Variants in FRYL observed in about 807,000 individuals in gnomAD.
FRYL encodes protein furry homolog-like.
Under a neutral mutation model 351.2 loss-of-function variants are expected in FRYL, and 150 were observed. That is an observed-to-expected ratio of 0.43 (90% CI 0.37 to 0.49). The LOEUF is 0.49. Among genes scored for constraint, FRYL ranks in the 20% least tolerant of loss-of-function variants. The pLI is 0.00. For synonymous variants in FRYL, 1,153 were observed against 1,257.1 expected, an observed-to-expected ratio of 0.92 and a Z score of 1.75; for missense variants, 3,036 against 3,619.3, an observed-to-expected ratio of 0.84 and a Z score of 4.13.
At chr4:48,622,314 T>G (rs1026330777) in intron 5 of FRYL, among the ~76,000 whole-genome samples, 1 of 152,234 alleles carries the variant, frequency 6.6e-6, no homozygotes, top group African/African-American at 2.4e-5. Context: ...GATCTTATTA[T>G]AGTCTTATTG....
chr4:48,618,817 G>C (rs1158787908), intron 7 of FRYL: 1 of 152,920 alleles, frequency 6.5e-6, no homozygotes, highest in East Asian at 1.9e-4. Flanking sequence ...ATTATCTGAA[G>C]TATTCTCACT....
At chr4:48,766,123 T>C (rs181037242) in intron 1 of FRYL, among the ~76,000 whole-genome samples, 1 of 152,348 alleles carries the variant, frequency 6.6e-6, no homozygotes, top group East Asian at 1.9e-4. Context: ...GCAATTTCAC[T>C]ATTGGGTATA....
Position 48,564,012 on chromosome 4 carries a change from A to G in FRYL, c.3532T>C (p.Tyr1178His). Residue 1178 changes from tyrosine to histidine, a missense_variant, in exon 31 of 64, where the codon TAC becomes CAC. By Grantham distance (83) the Tyr-to-His change is moderately conservative (BLOSUM62 2). Transcript: ENST00000358350. ...NLMYWAVDRCYTGSGRVAAGC... is the reference protein window; with the variant it reads ...NLMYWAVDRCHTGSGRVAAGC... ...GCCGCCACCCTCCCGGAGCCCGTGT[A>G]GCAGCGGTCCACAGCCCAGTACATC... The G allele has an allele frequency of 6.2e-7, 1 of 1,614,232 alleles. No individual in the cohort carries two copies. The highest frequency in any genetic ancestry group is 1.1e-5 in the South Asian group (1 of 91,084).
intron 3 of FRYL, among the ~76,000 whole-genome samples, chr4:48,664,698 T>G (rs1761415645): frequency 6.6e-6 from 1 of 152,146 alleles, no homozygotes; most frequent in South Asian, 2.1e-4. Flanking sequence ...TCTTGTTTAT[T>G]TATGAAGGGG....
intron 1 of FRYL, among the ~76,000 whole-genome samples, chr4:48,710,921 G>T (rs1201726914): frequency 6.6e-6 from 1 of 152,088 alleles, no homozygotes; most frequent in African/African-American, 2.4e-5. Context: ...TATTTGTAAT[G>T]GTCAAAAGGC....
At chr4:48,652,662 A>G (rs1757957732) in intron 3 of FRYL, among the ~76,000 whole-genome samples, 1 of 152,340 alleles carries the variant, frequency 6.6e-6, no homozygotes, top group Admixed American at 6.5e-5. Context: ...ACCATATTCA[A>G]TAAGACTTTA....
intron 55 of FRYL, among the ~76,000 whole-genome samples, chr4:48,519,385 C>A (rs1724384615): frequency 1.3e-5 from 2 of 152,168 alleles, no homozygotes; most frequent in South Asian, 2.1e-4. Context: ...TACCATGAAA[C>A]CTGTCCTTTC....
chr4:48,556,169 A>G (rs1734084819), intron 35 of FRYL, among the ~76,000 whole-genome samples: 1 of 152,252 alleles, frequency 6.6e-6, no homozygotes, highest in South Asian at 2.1e-4. Flanking sequence ...TGCTGGAATT[A>G]TAGGCATGAG....
rs201757408 is a variant in FRYL, at chr4:48,551,605, G to A, written c.4436-27C>T. On this transcript the variant is annotated intron_variant, in intron 36 of 63. Transcript: ENST00000358350. ...TGTAATCAAAGACAAAGCAGTACTC[G>A]TGAATCTACAAACCTGGAATAACCC... 137 of 1,414,872 alleles carry A rather than the reference G, an allele frequency of 9.7e-5. No homozygotes were observed. The East Asian group carries it at 1.6e-3, about 17-fold the overall frequency. 87.6% of individuals were successfully genotyped at this position (1,414,872 alleles called of 1,614,324 possible). A position where few individuals can be genotyped will look rare whatever the true frequency, so the allele number is the denominator to read the frequency against.
At chr4:48,772,638 T>A (rs375804870) in intron 1 of FRYL, among the ~76,000 whole-genome samples, 1 of 127,894 alleles carries the variant, frequency 7.8e-6, no homozygotes, top group Non-Finnish European at 1.6e-5. Context: ...TGAACTAAAT[T>A]AAATCACATC....
chr4:48,712,825 G>C (rs1197360041), intron 1 of FRYL, among the ~76,000 whole-genome samples: 5 of 152,192 alleles, frequency 3.3e-5, no homozygotes, highest in Non-Finnish European at 7.3e-5. Flanking sequence ...AGGGCAGCCA[G>C]AGACAAAGGT....
At chr4:48,703,271 T>A (rs774070484) in intron 2 of FRYL, among the ~76,000 whole-genome samples, 1 of 152,072 alleles carries the variant, frequency 6.6e-6, no homozygotes, top group Non-Finnish European at 1.5e-5. Flanking sequence ...ATCCCAGTAG[T>A]CAAGAGAGGG....
At chr4:48,568,742 T>G (rs1171333729) in intron 27 of FRYL, among the ~76,000 whole-genome samples, 4 of 152,180 alleles carry the variant, frequency 2.6e-5, no homozygotes, top group Non-Finnish European at 4.4e-5. Context: ...ATAAGTGTTT[T>G]TCAAATTTTT....
At chr4:48,604,286 T>A (rs1449970882) in intron 11 of FRYL, among the ~76,000 whole-genome samples, 1 of 152,158 alleles carries the variant, frequency 6.6e-6, no homozygotes, top group Non-Finnish European at 1.5e-5. Flanking sequence ...TAGAGAGGCA[T>A]GAATGTTCCA....
At chr4:48,613,269 G>C (rs982785268) in intron 7 of FRYL, among the ~76,000 whole-genome samples, 5 of 152,132 alleles carry the variant, frequency 3.3e-5, no homozygotes, top group African/African-American at 1.2e-4. Flanking sequence ...TTTTCCACTT[G>C]TAGTGTCATG....
At chr4:48,728,453 G>A (rs1007260161) in intron 1 of FRYL, among the ~76,000 whole-genome samples, 11 of 151,698 alleles carry the variant, frequency 7.3e-5, no homozygotes, top group African/African-American at 2.4e-4. Flanking sequence ...AGGAACAGAA[G>A]AAATACTTAA....
At chr4:48,561,137 T>G (rs941031449) in intron 33 of FRYL, among the ~76,000 whole-genome samples, 3 of 152,204 alleles carry the variant, frequency 2.0e-5, no homozygotes, top group African/African-American at 7.2e-5. Flanking sequence ...ATACACAAAA[T>G]ACAATGTATT....
intron 3 of FRYL, among the ~76,000 whole-genome samples, chr4:48,644,209 T>G (rs1392571207): frequency 6.6e-6 from 1 of 152,192 alleles, no homozygotes; most frequent in Non-Finnish European, 1.5e-5. Flanking sequence ...CCCAAAGTGC[T>G]GGGATTACAG....
intron 49 of FRYL, among the ~76,000 whole-genome samples, chr4:48,531,585 A>G (rs568336509): frequency 2.6e-5 from 4 of 152,340 alleles, no homozygotes; most frequent in Admixed American, 1.3e-4. Flanking sequence ...CCCAACTGAA[A>G]TATCTTGCTT....
Sources: allele counts gnomAD v4.1 joint callset (sites outside exome capture counted in the v4.1 genomes callset), GRCh38; gene constraint gnomAD v4.1.1; transcripts MANE v1.5; gene names NCBI Gene and HGNC (gene_info 2026-07-23, HGNC 2026-07-21).